Variants in STAB2 observed in about 807,000 individuals in gnomAD.
STAB2 encodes stabilin 2.
In STAB2, 288 loss-of-function variants were observed where a neutral mutation model predicts 338.1. The observed-to-expected ratio is 0.85, with a 90% confidence interval of 0.77 to 0.94. The LOEUF (loss-of-function observed/expected upper bound fraction) is 0.94. Ranked by LOEUF, STAB2 falls within the 40% of genes least tolerant of loss-of-function variation. The pLI, the probability that STAB2 is intolerant of heterozygous loss-of-function variation, is 0.00. For synonymous variants in STAB2, 1,202 were observed against 1,193.3 expected, an observed-to-expected ratio of 1.01 and a Z score of -0.15; for missense variants, 3,141 against 3,210.1, an observed-to-expected ratio of 0.98 and a Z score of 0.52.
Position 103,698,472 on chromosome 12 carries a change from C to T in STAB2, c.3583-624C>T, listed in dbSNP as rs142044090. ...GGACCCTAAAACCACAGAGCCCACCCCTAGCTCTGCCCCGGGGAGCCTGCC... is the reference window on the plus strand; with the variant it reads ...GGACCCTAAAACCACAGAGCCCACCTCTAGCTCTGCCCCGGGGAGCCTGCC... On this transcript the variant is annotated intron_variant, in intron 33 of 68. Coordinates refer to ENST00000388887, the MANE Select transcript of STAB2 (RefSeq NM_017564.10). 8.1e-3 allele frequency among the ~76,000 whole-genome samples: 1,228 copies of T among 152,226 alleles called. 10 individuals carry two copies. The highest frequency in any genetic ancestry group is 0.012 in the Non-Finnish European group (790 of 68,002).
chr12:103,715,557 T>A (rs922105047), intron 42 of STAB2, among the ~76,000 whole-genome samples: 15 of 152,214 alleles, frequency 9.9e-5, no homozygotes, highest in Non-Finnish European at 2.2e-4. Context: ...AATGCTCAAA[T>A]TTATTCCACG....
chr12:103,704,117 G>T (rs1449469948), intron 35 of STAB2, among the ~76,000 whole-genome samples: 6 of 152,158 alleles, frequency 3.9e-5, no homozygotes, highest in Non-Finnish European at 8.8e-5. Context: ...GAGCTTGAGG[G>T]TTTCTGTCAT....
At chr12:103,637,282 G>A in intron 7 of STAB2, 46 bp downstream of exon 7, 2 of 1,575,060 alleles carry the variant, frequency 1.3e-6, no homozygotes, top group East Asian at 2.3e-5. Flanking sequence ...GAGATGTTTA[G>A]GTTATTTAAC....
intron 39 of STAB2, 61 bp from the exon 40 acceptor site, chr12:103,711,410 T>C (rs1446872326): frequency 1.2e-6 from 2 of 1,609,666 alleles, no homozygotes; most frequent in Non-Finnish European, 1.7e-6. Flanking sequence ...CACAAAATAC[T>C]AAAAATCCTC....
At chr12:103,741,452 C>T (rs1882576162) in intron 55 of STAB2, among the ~76,000 whole-genome samples, 2 of 152,020 alleles carry the variant, frequency 1.3e-5, no homozygotes. Flanking sequence ...GTTGTCTTCC[C>T]CTCCCCACTG....
intron 3 of STAB2, among the ~76,000 whole-genome samples, chr12:103,600,686 C>G (rs1443610507): frequency 1.3e-5 from 2 of 152,210 alleles, no homozygotes; most frequent in Non-Finnish European, 2.9e-5. Context: ...AGCCACTAGG[C>G]AAGAGGGCTG....
intron 8 of STAB2, among the ~76,000 whole-genome samples, chr12:103,639,085 G>A (rs1432088577): frequency 6.6e-6 from 1 of 152,128 alleles, no homozygotes; most frequent in African/African-American, 2.4e-5. Context: ...AAAATTCAAG[G>A]GGCTAAATTC....
Position 103,733,069 on chromosome 12 carries a change from A to G in STAB2, c.5347A>G (p.Thr1783Ala), listed in dbSNP as rs537585417. 3 of 1,614,084 alleles carry G rather than the reference A, an allele frequency of 1.9e-6. No homozygotes were observed. Among genetic ancestry groups the G allele is most frequent in the South Asian group, 2.2e-5 (2 of 91,070 alleles). ...IHTPVTLFWP[T>A]DQALHALPAE... ...CACCCCAGTCACTCTCTTCTGGCCC[A>G]CCGACCAAGCCCTCCATGCCCTACC... The change falls in exon 51 of 69, where the codon ACC becomes GCC. Residue 1783 changes from threonine to alanine, a missense_variant. Transcript: ENST00000388887.
At position 103,652,736 on chromosome 12, in the gene STAB2, A is replaced by G. The variant is rs563251036; in HGVS notation, c.1407+31A>G. 7.2e-6 allele frequency: 11 copies of G among 1,528,984 alleles called. No individual in the cohort carries two copies. The African/African-American group carries it at 1.5e-4, about 21-fold the overall frequency. The allele number at this position is 1,528,984 out of a possible 1,614,324, so 94.7% of individuals were successfully genotyped here. ...GGTTCCTCTGATTTTCACTCCCAGA[A>G]CTAAATTATCCACCAAGCCAATGCC... is the stretch of plus-strand genomic sequence containing the variant. On this transcript the variant is annotated intron_variant, in intron 12 of 68. Coordinates refer to ENST00000388887, the MANE Select transcript of STAB2 (RefSeq NM_017564.10).
chr12:103,669,242 T>A (rs1013668965), intron 20 of STAB2: 3 of 354,732 alleles, frequency 8.5e-6, no homozygotes, highest in Non-Finnish European at 1.6e-5. Flanking sequence ...TTTTACTGTT[T>A]TTAAAATTCA....
At chr12:103,737,446 A>G (rs1882214591) in intron 52 of STAB2, among the ~76,000 whole-genome samples, 188 bp from the exon 53 acceptor site, 1 of 152,254 alleles carries the variant, frequency 6.6e-6, no homozygotes, top group Non-Finnish European at 1.5e-5. Context: ...TATCTGGCAC[A>G]TAATACAAGC....
intron 28 of STAB2, among the ~76,000 whole-genome samples, chr12:103,689,586 A>T (rs1211078985): frequency 6.6e-6 from 1 of 152,174 alleles, no homozygotes; most frequent in African/African-American, 2.4e-5. Context: ...TTTAGACTAA[A>T]GTGTAAAGGA....
chr12:103,758,830 G>A (rs554818164), intron 64 of STAB2, among the ~76,000 whole-genome samples: 2 of 152,290 alleles, frequency 1.3e-5, no homozygotes, highest in East Asian at 1.9e-4. Context: ...CTGAGGCTCC[G>A]ACAGCCCCAC....
chr12:103,632,203 C>A (rs1168968180), intron 6 of STAB2, among the ~76,000 whole-genome samples: 1 of 152,184 alleles, frequency 6.6e-6, no homozygotes, highest in Non-Finnish European at 1.5e-5. Flanking sequence ...TGAAAACAAT[C>A]TATTATACTG....
At chr12:103,695,029 A>G (rs575223435) in intron 31 of STAB2, among the ~76,000 whole-genome samples, 1 of 152,198 alleles carries the variant, frequency 6.6e-6, no homozygotes, top group East Asian at 1.9e-4. Context: ...ATATGTAAAA[A>G]TGTCCTATTA....
chr12:103,724,716 ACT>A (rs1881042482), intron 44 of STAB2, among the ~76,000 whole-genome samples: 1 of 152,130 alleles, frequency 6.6e-6, no homozygotes, highest in Non-Finnish European at 1.5e-5. Flanking sequence ...CAATTTGGCA[ACT>A]CTGGGCTTAC....
intron 4 of STAB2, among the ~76,000 whole-genome samples, chr12:103,621,655 G>T (rs143045915): frequency 9.9e-5 from 15 of 152,272 alleles, no homozygotes; most frequent in Non-Finnish European, 1.9e-4. Flanking sequence ...CCTGGGAGGC[G>T]GAGGTTTCAG....
rs562472038 is a variant in STAB2 at position 103,688,881 on chromosome 12, C to T, written c.3045+666C>T. ...GTGCTGAACCCTGTTCACACTCACTCACGAAAGCTGATTGTGCACATTTTT... is the reference window on the plus strand; with the variant it reads ...GTGCTGAACCCTGTTCACACTCACTTACGAAAGCTGATTGTGCACATTTTT... On this transcript the variant is annotated intron_variant, in intron 28 of 68. Coordinates refer to ENST00000388887, the MANE Select transcript of STAB2 (RefSeq NM_017564.10). Among the ~76,000 whole-genome samples the T allele has an allele frequency of 1.2e-3, 177 of 152,348 alleles. 1 individual carries two copies. In the Middle Eastern group the frequency reaches 0.017, roughly 15 times the overall value.
In STAB2 at chr12:103,732,946, C is replaced by T. The variant is rs143868529; in HGVS notation, c.5284-60C>T. 190 of 1,575,888 alleles carry T rather than the reference C, an allele frequency of 1.2e-4. No homozygotes were observed. The African/African-American group carries it at 2.1e-3, about 17-fold the overall frequency. ...GGAGGAGAATCCTCAGAGACAGAAC[C>T]CCTGCCCACATGTCTGGGCCTTGCT... On this transcript the variant is annotated intron_variant, in intron 50 of 68. Transcript: ENST00000388887.
Sources: allele counts gnomAD v4.1 joint callset (sites outside exome capture counted in the v4.1 genomes callset), GRCh38; gene constraint gnomAD v4.1.1; transcripts MANE v1.5; gene names NCBI Gene and HGNC (gene_info 2026-07-23, HGNC 2026-07-21).